Variants in DYSF observed in about 807,000 individuals in gnomAD.
The protein encoded by DYSF is dysferlin.
In DYSF, 212 loss-of-function variants were observed where a neutral mutation model predicts 274.9. The ratio of observed to expected loss-of-function variants is 0.77; its 90% CI spans 0.69 to 0.86. The LOEUF is 0.86. DYSF is among the 40% of genes least tolerant of loss of function. The pLI is 0.00. For missense variants in DYSF, 2,666 were observed against 2,783.2 expected (o/e 0.96, Z 0.95); for synonymous variants, 1,091 against 1,078.7 (o/e 1.01, Z -0.22).
intron 22 of DYSF, among the ~76,000 whole-genome samples, chr2:71,558,792 T>G (rs1490055041): frequency 6.6e-6 from 1 of 152,058 alleles, no homozygotes; most frequent in Non-Finnish European, 1.5e-5. Flanking sequence ...TGGGTTCCCG[T>G]CCTCTTGAGA....
chr2:71,534,035 C>T (rs2089040953), intron 14 of DYSF, among the ~76,000 whole-genome samples: 1 of 152,082 alleles, frequency 6.6e-6, no homozygotes, highest in Non-Finnish European at 1.5e-5. Flanking sequence ...ACACCCAGCC[C>T]TGTGTGGCCT....
Position 71,553,806 on chromosome 2 carries a change from G to T in DYSF, c.1985-1G>T, listed in dbSNP as rs2091139939. On this transcript the variant is annotated splice_acceptor_variant, in intron 20 of 55. Coordinates refer to ENST00000410020, the MANE Select transcript of DYSF (RefSeq NM_001130987.2). LOFTEE classifies it high-confidence loss of function. Reference sequence around the variant, plus strand: ...CGCTCAGGCCCGTCTCTCCATTCCAGGGTGCCACTACTACTACCTACCCTG... The same window carrying T: ...CGCTCAGGCCCGTCTCTCCATTCCATGGTGCCACTACTACTACCTACCCTG... The T allele has an allele frequency of 4.4e-6, 6 of 1,362,660 alleles. No individual in the cohort carries two copies. The highest frequency in any genetic ancestry group is 5.8e-6 in the Non-Finnish European group (6 of 1,025,944). 84.4% of individuals were successfully genotyped at this position (1,362,660 alleles called of 1,614,324 possible).
chr2:71,577,780 G>A (rs942126799), intron 30 of DYSF, among the ~76,000 whole-genome samples: 2 of 152,094 alleles, frequency 1.3e-5, no homozygotes, highest in African/African-American at 2.4e-5. Flanking sequence ...TCTTTGTCCC[G>A]GGATGTCCTG....
chr2:71,625,207 A>G (rs2094187334), intron 41 of DYSF, among the ~76,000 whole-genome samples: 1 of 152,000 alleles, frequency 6.6e-6, no homozygotes, highest in African/African-American at 2.4e-5. Flanking sequence ...TGTATTCTAG[A>G]TATCTTGGGT....
At chr2:71,683,478 C>T (rs2095320097) in intron 55 of DYSF, among the ~76,000 whole-genome samples, 1 of 152,234 alleles carries the variant, frequency 6.6e-6, no homozygotes, top group African/African-American at 2.4e-5. Flanking sequence ...GCAGCATTCT[C>T]AGGCTGACAC....
rs3791828 is a variant in DYSF, at chr2:71,665,869, T to C, written c.5317+565T>C. On this transcript the variant is annotated intron_variant, in intron 47 of 55. Transcript: ENST00000410020. ...AGAATCCCGCCACATGCTCTCCGTGTGTCTGAGATGCCCGCAGGCCTGCAT... is the reference window on the plus strand; with the variant it reads ...AGAATCCCGCCACATGCTCTCCGTGCGTCTGAGATGCCCGCAGGCCTGCAT... 8.9e-3 allele frequency among the ~76,000 whole-genome samples: 1,352 copies of C among 151,734 alleles called. 69 individuals carry two copies. Among genetic ancestry groups the C allele is most frequent in the Admixed American group, 0.077 (1,174 of 15,258 alleles).
At chr2:71,590,368 G>C (rs535262875) in intron 32 of DYSF, 80 bp downstream of exon 32, 2 of 1,519,142 alleles carry the variant, frequency 1.3e-6, no homozygotes, top group South Asian at 1.1e-5. Flanking sequence ...CGGGCAACAA[G>C]GGGTGCTGTT....
intron 52 of DYSF, 21 bp from the exon 53 acceptor site, chr2:71,679,036 A>G: frequency 6.2e-7 from 1 of 1,613,712 alleles, no homozygotes; most frequent in Non-Finnish European, 8.5e-7. Context: ...CCCTTGGCCA[A>G]AAACTACCTC....
intron 40 of DYSF, among the ~76,000 whole-genome samples, chr2:71,614,814 C>T (rs1246044027): frequency 1.3e-5 from 2 of 152,154 alleles, no homozygotes; most frequent in Non-Finnish European, 2.9e-5. Context: ...TGGCTACTGT[C>T]TGTATGGATC....
chr2:71,632,053 A>T (rs1352239367), intron 41 of DYSF, among the ~76,000 whole-genome samples: 1 of 152,006 alleles, frequency 6.6e-6, no homozygotes, highest in Non-Finnish European at 1.5e-5. Flanking sequence ...AAAAACACTC[A>T]TCTCTTCCTA....
At chr2:71,551,524 T>C in intron 18 of DYSF, 83 bp from the exon 19 acceptor site, 1 of 1,209,496 alleles carries the variant, frequency 8.3e-7, no homozygotes, top group Non-Finnish European at 1.2e-6. Context: ...AGAGATGAGC[T>C]ACCTCAGGGC....
chr2:71,577,563 T>A (rs2092750436), intron 30 of DYSF, among the ~76,000 whole-genome samples: 1 of 133,404 alleles, frequency 7.5e-6, no homozygotes, highest in African/African-American at 2.8e-5. Context: ...ATCACACACA[T>A]ACCCTCACAC....
intron 21 of DYSF, among the ~76,000 whole-genome samples, chr2:71,554,224 TGGC>T (rs2152793339): frequency 6.6e-6 from 1 of 152,334 alleles, no homozygotes; most frequent in East Asian, 1.9e-4. Context: ...GGGCACGGCC[TGGC>T]TCTCGCTCGC....
At chr2:71,537,232 T>TTTTG (rs2089457776) in intron 16 of DYSF, among the ~76,000 whole-genome samples, 2 of 143,160 alleles carry the variant, frequency 1.4e-5, no homozygotes, top group South Asian at 2.2e-4. Context: ...TGTTTTTTTT[T>TTTTG]TTTTTTTTTT....
chr2:71,652,559 G>A (rs1203454505), intron 42 of DYSF, among the ~76,000 whole-genome samples: 2 of 152,166 alleles, frequency 1.3e-5, no homozygotes, highest in East Asian at 3.9e-4. Context: ...TAAAAGTCTT[G>A]TGTAAGTTAA....
At position 71,600,006 on chromosome 2, in the gene DYSF, G is replaced by A. The variant is rs567343542; in HGVS notation, c.3757-696G>A. Among the ~76,000 whole-genome samples, 133 of 152,256 alleles carry A rather than the reference G, an allele frequency of 8.7e-4. 1 individual carries two copies. The highest frequency in any genetic ancestry group is 3.2e-3 in the African/African-American group (132 of 41,562). ...GGGCACAGGCCCTGGCACCTTCGGA[G>A]CAGGAGGGAGGCAGGCGGCAGGGCT... On this transcript the variant is annotated intron_variant, in intron 33 of 55. Transcript: ENST00000410020.
intron 1 of DYSF, among the ~76,000 whole-genome samples, chr2:71,459,531 G>T (rs10190362): frequency 6.6e-6 from 1 of 152,128 alleles, no homozygotes; most frequent in Non-Finnish European, 1.5e-5. Context: ...CAGACGGTCA[G>T]TGTTAGGTGG....
intron 45 of DYSF, among the ~76,000 whole-genome samples, chr2:71,663,308 G>A (rs1046152766): frequency 2.6e-5 from 4 of 152,188 alleles, no homozygotes; most frequent in Admixed American, 2.6e-4. Context: ...GCACTTTCTG[G>A]GATATGGCAG....
At chr2:71,599,490 A>C (rs1361581238) in intron 33 of DYSF, among the ~76,000 whole-genome samples, 1 of 152,184 alleles carries the variant, frequency 6.6e-6, no homozygotes, top group African/African-American at 2.4e-5. Context: ...TATGGGCTGG[A>C]ATGTCAGGAA....
Sources: allele counts gnomAD v4.1 joint callset (sites outside exome capture counted in the v4.1 genomes callset), GRCh38; gene constraint gnomAD v4.1.1; transcripts MANE v1.5; gene names NCBI Gene and HGNC (gene_info 2026-07-23, HGNC 2026-07-21).